The following NKAIN2 variants were observed in gnomAD, a reference collection of about 807,000 sequenced individuals.
NKAIN2 encodes the protein sodium/potassium transporting ATPase interacting 2.
NKAIN2 carries 14 observed loss-of-function variants against 32.6 expected under a neutral mutation model. That is an observed-to-expected ratio of 0.43 (90% CI 0.28 to 0.67). NKAIN2 has a LOEUF of 0.67. Among genes scored for constraint, NKAIN2 ranks in the 30% least tolerant of loss-of-function variants. The probability of loss-of-function intolerance (pLI) is 0.17; values close to 1 mark genes in which losing one functional copy is unlikely to be tolerated. For missense variants in NKAIN2, 198 were observed against 258.3 expected (o/e 0.77, Z 1.60); for synonymous variants, 80 against 87.2 (o/e 0.92, Z 0.46).
At chr6:124,377,181 T>TTC (rs1800030093) in intron 3 of NKAIN2, among the ~76,000 whole-genome samples, 1 of 152,214 alleles carries the variant, frequency 6.6e-6, no homozygotes, top group Non-Finnish European at 1.5e-5. Context: ...ACATTGGATA[T>TTC]TTTGAAACAA....
intron 4 of NKAIN2, among the ~76,000 whole-genome samples, chr6:124,767,274 T>C (rs1478785320): frequency 1.3e-5 from 2 of 152,006 alleles, no homozygotes. Context: ...ATAAATAATA[T>C]TTTGTGAAAT....
At chr6:123,879,073 T>C (rs1232448108) in intron 1 of NKAIN2, among the ~76,000 whole-genome samples, 1 of 152,194 alleles carries the variant, frequency 6.6e-6, no homozygotes, top group Non-Finnish European at 1.5e-5. Flanking sequence ...AGAAAAGAAA[T>C]AGTATGTACT....
At chr6:123,942,051 A>G (rs997456179) in intron 1 of NKAIN2, among the ~76,000 whole-genome samples, 1 of 151,980 alleles carries the variant, frequency 6.6e-6, no homozygotes, top group Non-Finnish European at 1.5e-5. Context: ...GACTTTTGCT[A>G]ACATCATCAT....
At chr6:124,686,248 A>C (rs1045848792) in intron 4 of NKAIN2, among the ~76,000 whole-genome samples, 12 of 152,264 alleles carry the variant, frequency 7.9e-5, no homozygotes, top group African/African-American at 2.6e-4. Context: ...CTTACATACA[A>C]CCTGTATTAG....
At chr6:124,745,129 A>G (rs1171579800) in intron 4 of NKAIN2, among the ~76,000 whole-genome samples, 2 of 151,930 alleles carry the variant, frequency 1.3e-5, no homozygotes, top group Non-Finnish European at 1.5e-5. Context: ...AGGATACTAT[A>G]AAATGTTCAA....
chr6:124,687,431 AC>A (rs1179773248), intron 4 of NKAIN2, among the ~76,000 whole-genome samples: 1,745 of 4,366 alleles, frequency 0.4, 81 homozygotes, highest in African/African-American at 0.45. Flanking sequence ...TTCCATGTAT[AC>A]CATATACATA....
chr6:124,575,725 G>A (rs944461763), intron 3 of NKAIN2, among the ~76,000 whole-genome samples: 2 of 152,002 alleles, frequency 1.3e-5, no homozygotes, highest in African/African-American at 4.8e-5. Context: ...TTTTTTCATG[G>A]ACTCAAGAAA....
At chr6:124,756,171 T>TTA (rs1470424581) in intron 4 of NKAIN2, among the ~76,000 whole-genome samples, 3 of 152,170 alleles carry the variant, frequency 2.0e-5, no homozygotes, top group African/African-American at 7.2e-5. Context: ...GAACAACGGT[T>TTA]TAGGTGCCTT....
At chr6:124,107,646 T>A (rs1785184185) in intron 1 of NKAIN2, among the ~76,000 whole-genome samples, 1 of 152,128 alleles carries the variant, frequency 6.6e-6, no homozygotes, top group South Asian at 2.1e-4. Flanking sequence ...CTAGGACGTA[T>A]TCATCTTACA....
At position 124,466,814 on chromosome 6, in the gene NKAIN2, A is replaced by G. The variant is rs560874126; in HGVS notation, c.273+111467A>G. ...TTCTAAAAATCAACTAAAATTGTCTATGAAAATGTTCAATGGACGTAGATT... is the reference window on the plus strand; with the variant it reads ...TTCTAAAAATCAACTAAAATTGTCTGTGAAAATGTTCAATGGACGTAGATT... On this transcript the variant is annotated intron_variant, in intron 3 of 6. Transcript: ENST00000368417. Among the ~76,000 whole-genome samples, 9 of 152,078 alleles carry G rather than the reference A, an allele frequency of 5.9e-5. No individual in the cohort carries two copies. In the East Asian group the frequency reaches 1.4e-3, roughly 23 times the overall value.
chr6:124,012,902 C>T (rs548186816), intron 1 of NKAIN2, among the ~76,000 whole-genome samples: 130 of 152,180 alleles, frequency 8.5e-4, no homozygotes, highest in Middle Eastern at 3.4e-3. Context: ...TTTTAGGAAA[C>T]TACCAGACTG....
chr6:124,759,655 A>ACACACACACACACC (rs1562367638), intron 4 of NKAIN2, among the ~76,000 whole-genome samples: 1 of 53,078 alleles, frequency 1.9e-5, no homozygotes, highest in African/African-American at 5.7e-5. Context: ...ACACACACAC[A>ACACACACACACACC]CCCCCTATCT....
At chr6:123,942,909 A>T (rs235675) in intron 1 of NKAIN2, among the ~76,000 whole-genome samples, 1,579 of 152,158 alleles carry the variant, frequency 0.01, 21 homozygotes, top group African/African-American at 0.032. Context: ...TTGATACAAT[A>T]ATTGAGTCAA....
intron 4 of NKAIN2, among the ~76,000 whole-genome samples, chr6:124,711,734 A>G (rs1286095143): frequency 3.3e-5 from 5 of 151,930 alleles, no homozygotes; most frequent in Non-Finnish European, 5.9e-5. Flanking sequence ...TTTTTTTTCA[A>G]AGTTTTCGAC....
chr6:124,700,914 A>G (rs994117912), intron 4 of NKAIN2, among the ~76,000 whole-genome samples: 1 of 150,248 alleles, frequency 6.7e-6, no homozygotes, highest in African/African-American at 2.5e-5. Flanking sequence ...TCATCATGAA[A>G]GAGACAATTT....
At chr6:124,060,263 T>C (rs9491062) in intron 1 of NKAIN2, among the ~76,000 whole-genome samples, 2,346 of 152,304 alleles carry the variant, frequency 0.015, 58 homozygotes, top group African/African-American at 0.053. Context: ...GTGTATTTTA[T>C]TGGCATTTTC....
chr6:124,738,848 T>C (rs370466190), intron 4 of NKAIN2, among the ~76,000 whole-genome samples: 3 of 151,910 alleles, frequency 2.0e-5, no homozygotes, highest in East Asian at 3.9e-4. Context: ...GGACATATTA[T>C]ATGAGAAAGT....
chr6:124,646,364 G>T (rs1306710039), intron 3 of NKAIN2, among the ~76,000 whole-genome samples: 4 of 152,060 alleles, frequency 2.6e-5, no homozygotes, highest in Non-Finnish European at 5.9e-5. Flanking sequence ...AGAGTAAAGA[G>T]AAATGAGAAA....
Position 124,271,462 on chromosome 6 carries a change from C to T in NKAIN2, c.55-11543C>T, listed in dbSNP as rs189216985. On this transcript the variant is annotated intron_variant, in intron 1 of 6. Coordinates refer to ENST00000368417, the MANE Select transcript of NKAIN2 (RefSeq NM_001040214.3). ...TGATCTCCTGACCTCGTGATCCACC[C>T]GCCTTGGCCTCCCAAACTGCTGGGA... is the stretch of plus-strand genomic sequence containing the variant. 5.9e-5 allele frequency among the ~76,000 whole-genome samples: 9 copies of T among 152,290 alleles called. No homozygotes were observed. The East Asian group carries it at 9.7e-4, about 16-fold the overall frequency.
Sources: allele counts gnomAD v4.1 joint callset (sites outside exome capture counted in the v4.1 genomes callset), GRCh38; gene constraint gnomAD v4.1.1; transcripts MANE v1.5; gene names NCBI Gene and HGNC (gene_info 2026-07-23, HGNC 2026-07-21).